The following IL1RAPL1 variants were observed in gnomAD, a reference collection of about 807,000 sequenced individuals.
IL1RAPL1 encodes the protein interleukin 1 receptor accessory protein like 1, also known as interleukin-1 receptor accessory protein-like 1.
A neutral mutation model predicts 48.4 loss-of-function variants in IL1RAPL1; 3 were observed. The observed-to-expected ratio is 0.06, with a 90% CI of 0.03 to 0.16. The LOEUF is 0.16. Ranked by LOEUF, IL1RAPL1 falls within the 10% of genes least tolerant of loss-of-function variation. The pLI is 1.00. For synonymous variants in IL1RAPL1, 185 were observed against 187.7 expected, an observed-to-expected ratio of 0.99 and a Z score of 0.12; for missense variants, 349 against 530.6, an observed-to-expected ratio of 0.66 and a Z score of 3.36.
chrX:29,524,347 C>T (rs1287724335), intron 5 of IL1RAPL1, among the ~76,000 whole-genome samples: 1 of 110,579 alleles, frequency 9.0e-6, no homozygotes, highest in Non-Finnish European at 1.9e-5. Context: ...TAGATACACA[C>T]ATACATTTAG....
Position 29,864,089 on chromosome X carries a change from A to C in IL1RAPL1, c.779-53375A>C, listed in dbSNP as rs182323912. Among the ~76,000 whole-genome samples, 146 of 112,555 alleles carry C rather than the reference A, an allele frequency of 1.3e-3. 1 individual carries two copies. Among genetic ancestry groups the C allele is most frequent in the African/African-American group, 4.1e-3 (127 of 31,036 alleles). On this transcript the variant is annotated intron_variant, in intron 6 of 10. Transcript: ENST00000378993. ...CGTGAGCCACCGTGCCCAGCTGCAC[A>C]TACAGCTTCTAATTCAGTAAATGTG...
At chrX:28,947,869 T>C (rs914882371) in intron 2 of IL1RAPL1, among the ~76,000 whole-genome samples, 3 of 111,542 alleles carry the variant, frequency 2.7e-5, no homozygotes, top group African/African-American at 9.8e-5. Context: ...CTTCGAGAAA[T>C]GTAGCACTTA....
intron 6 of IL1RAPL1, among the ~76,000 whole-genome samples, chrX:29,769,069 C>T (rs1928983486): frequency 9.0e-6 from 1 of 111,486 alleles, no homozygotes; most frequent in Non-Finnish European, 1.9e-5. Flanking sequence ...CTAGAAACCA[C>T]TAATCTGTTT....
chrX:28,966,954 A>T (rs1160655662), intron 2 of IL1RAPL1, among the ~76,000 whole-genome samples: 2 of 111,899 alleles, frequency 1.8e-5, no homozygotes, highest in African/African-American at 6.5e-5. Flanking sequence ...TGGCCAACTC[A>T]ATTAGGACTG....
In IL1RAPL1 at chrX:29,043,177, T is replaced by C. The variant is rs113496391; in HGVS notation, c.83-239761T>C. 6.3e-3 allele frequency among the ~76,000 whole-genome samples: 702 copies of C among 111,873 alleles called. 9 individuals carry two copies. The highest frequency in any genetic ancestry group is 0.022 in the African/African-American group (670 of 30,806). On this transcript the variant is annotated intron_variant, in intron 2 of 10. Transcript: ENST00000378993. ...GACTAAGACACCAACATTGTGATGA[T>C]GTGTGAAATACTTACATTTCTCTAT...
intron 5 of IL1RAPL1, among the ~76,000 whole-genome samples, chrX:29,606,222 T>G (rs760339333): frequency 5.4e-5 from 6 of 112,003 alleles, no homozygotes; most frequent in Non-Finnish European, 9.4e-5. Context: ...TCGAATTTCT[T>G]GTCAAATTTC....
At chrX:29,273,439 C>T (rs1301151957) in intron 2 of IL1RAPL1, among the ~76,000 whole-genome samples, 1 of 111,660 alleles carries the variant, frequency 9.0e-6, no homozygotes, top group Non-Finnish European at 1.9e-5. Context: ...TGTTCTAACT[C>T]TGAGGGACTT....
At chrX:29,044,918 A>G (rs1358489249) in intron 2 of IL1RAPL1, among the ~76,000 whole-genome samples, 2 of 111,840 alleles carry the variant, frequency 1.8e-5, no homozygotes, top group African/African-American at 6.5e-5. Flanking sequence ...CCTGTAATGT[A>G]TTTGACATGT....
intron 8 of IL1RAPL1, among the ~76,000 whole-genome samples, chrX:29,926,711 A>G (rs934204843): frequency 3.5e-4 from 39 of 111,285 alleles, no homozygotes; most frequent in African/African-American, 1.2e-3. Flanking sequence ...TGCATTGTAG[A>G]CCGTTTAGCA....
intron 6 of IL1RAPL1, among the ~76,000 whole-genome samples, chrX:29,795,726 C>T (rs750801408): frequency 3.7e-4 from 42 of 112,927 alleles, no homozygotes; most frequent in Non-Finnish European, 6.9e-4. Flanking sequence ...CAACTTTTAA[C>T]TCTGTTGACT....
intron 6 of IL1RAPL1, among the ~76,000 whole-genome samples, chrX:29,864,120 C>T (rs1011139707): frequency 2.7e-5 from 3 of 112,187 alleles, no homozygotes; most frequent in Non-Finnish European, 5.6e-5. Context: ...ATGTGGGACT[C>T]GAGAATTTAC....
chrX:28,669,750 CAT>C (rs950265504), intron 1 of IL1RAPL1, among the ~76,000 whole-genome samples: 3 of 99,505 alleles, frequency 3.0e-5, no homozygotes, highest in Non-Finnish European at 4.0e-5. Flanking sequence ...TATATCATAT[CAT>C]ATATAATTTA....
At chrX:29,640,458 C>G (rs1569135105) in intron 5 of IL1RAPL1, among the ~76,000 whole-genome samples, 1 of 112,117 alleles carries the variant, frequency 8.9e-6, no homozygotes, top group African/African-American at 3.2e-5. Flanking sequence ...ATCCGGCTGC[C>G]TATTAAATAG....
chrX:29,738,450 C>CTTTTTTTTTTTTTTTTTTTTTT (rs59952038), intron 6 of IL1RAPL1, among the ~76,000 whole-genome samples: 6 of 86,161 alleles, frequency 7.0e-5, no homozygotes, highest in African/African-American at 2.4e-4. Flanking sequence ...CTTTTCTTTT[C>CTTTTTTTTTTTTTTTTTTTTTT]TTTTTTTTTT....
intron 1 of IL1RAPL1, among the ~76,000 whole-genome samples, chrX:28,736,661 A>G (rs1465731527): frequency 1.8e-5 from 2 of 111,945 alleles, no homozygotes; most frequent in East Asian, 5.6e-4. Context: ...CTTAATGGCA[A>G]CCATTGCTAC....
At chrX:28,688,101 C>G (rs1414723380) in intron 1 of IL1RAPL1, among the ~76,000 whole-genome samples, 1 of 43,142 alleles carries the variant, frequency 2.3e-5, no homozygotes, top group Non-Finnish European at 3.7e-5. Context: ...GAGACTCTGT[C>G]TCAAAAAAAA....
chrX:28,916,024 G>A (rs1923482816), intron 2 of IL1RAPL1, among the ~76,000 whole-genome samples: 1 of 110,713 alleles, frequency 9.0e-6, no homozygotes, highest in Admixed American at 9.7e-5. Flanking sequence ...CAAGTAGAAT[G>A]AAAACATTAA....
intron 5 of IL1RAPL1, among the ~76,000 whole-genome samples, chrX:29,634,511 C>T (rs1398881785): frequency 9.0e-6 from 1 of 110,514 alleles, no homozygotes; most frequent in East Asian, 2.8e-4. Context: ...TCCTACCACC[C>T]CTCTATGCTT....
chrX:29,913,953 C>G (rs944623383), intron 6 of IL1RAPL1, among the ~76,000 whole-genome samples: 1 of 112,063 alleles, frequency 8.9e-6, no homozygotes, highest in African/African-American at 3.2e-5. Flanking sequence ...CCCCAAAGCT[C>G]CCAGGCTTTT....
Sources: gnomAD v4.1 joint callset for allele counts (sites outside exome capture counted in the v4.1 genomes callset) on GRCh38, gnomAD v4.1.1 for gene constraint, MANE v1.5 for transcripts, NCBI Gene and HGNC (gene_info 2026-07-23, HGNC 2026-07-21) for gene names.